Variants in TLCD5 observed in about 807,000 individuals in gnomAD.
The protein encoded by TLCD5 is TLC domain-containing protein 5.
In TLCD5, 15 loss-of-function variants were observed where a neutral mutation model predicts 20.5. That is an observed-to-expected ratio of 0.73 (90% CI 0.49 to 1.13). The LOEUF is 1.13. Ranked by LOEUF, TLCD5 falls within the 50% of genes most tolerant of loss-of-function variation. The pLI, the probability that TLCD5 is intolerant of heterozygous loss-of-function variation, is 0.00. For synonymous variants in TLCD5, 107 were observed against 114.7 expected, an observed-to-expected ratio of 0.93 and a Z score of 0.43; for missense variants, 289 against 305.6, an observed-to-expected ratio of 0.95 and a Z score of 0.41.
chr11:120,329,843 TA>T, intron 2 of TLCD5, 133 bp from the exon 3 acceptor site: 1 of 871,006 alleles, frequency 1.1e-6, no homozygotes, highest in Non-Finnish European at 1.8e-6. Flanking sequence ...TGGTCCTCAT[TA>T]AAAAGCATGT....
intron 1 of TLCD5, among the ~76,000 whole-genome samples, chr11:120,325,956 T>C (rs1941988958): frequency 6.6e-6 from 1 of 152,216 alleles, no homozygotes; most frequent in African/African-American, 2.4e-5. Context: ...AATAGGCATA[T>C]CCAAATGAGC....
At chr11:120,325,748 C>G (rs1941984014) in intron 1 of TLCD5, among the ~76,000 whole-genome samples, 1 of 152,232 alleles carries the variant, frequency 6.6e-6, no homozygotes, top group Admixed American at 6.5e-5. Context: ...GCCGCGATGG[C>G]CTTCCAAATG....
rs779332684 is a variant in TLCD5, at chr11:120,330,273, G to A, written c.496G>A (p.Ala166Thr). ...AGATGTAGTGGACTTCCTCTTTGTG[G>A]CTCTGTTCACAGGAGTGAGGATTGG... Reference protein sequence around the residue: ...TGDVVDFLFVALFTGVRIGVG... With the variant: ...TGDVVDFLFVTLFTGVRIGVG... Residue 166 changes from alanine to threonine, a missense_variant, in exon 3 of 3, where the codon GCT (alanine) becomes ACT (threonine). Transcript: ENST00000375095. 1 of 1,556,074 alleles carries A rather than the reference G, an allele frequency of 6.4e-7. No homozygotes were observed. Among genetic ancestry groups the A allele is most frequent in the Non-Finnish European group, 8.7e-7 (1 of 1,150,440 alleles).
chr11:120,329,026 T>TG (rs1942087079), intron 2 of TLCD5, among the ~76,000 whole-genome samples: 6 of 150,580 alleles, frequency 4.0e-5, no homozygotes, highest in African/African-American at 1.5e-4. Flanking sequence ...TGTGTATGTG[T>TG]TTGTATATGT....
chr11:120,326,812 C>G (rs944255958), intron 1 of TLCD5, among the ~76,000 whole-genome samples: 1 of 152,188 alleles, frequency 6.6e-6, no homozygotes, highest in African/African-American at 2.4e-5. Context: ...ATCTTTGGGT[C>G]GGATTTCAGA....
intron 1 of TLCD5, 90 bp from the exon 2 acceptor site, chr11:120,327,351 A>G (rs1250984261): frequency 5.0e-6 from 8 of 1,601,522 alleles, no homozygotes; most frequent in Non-Finnish European, 6.8e-6. Flanking sequence ...CTATTCTATA[A>G]TAGAAATGAG....
rs1942190774 is a variant in TLCD5 at position 120,333,065 on chromosome 11, T to C, written c.*2550T>C. On this transcript the variant is annotated 3_prime_UTR_variant, in exon 3 of 3. Transcript: ENST00000375095. This position sits in a 1 kb window ranked among gnomAD's most constrained non-coding sequence, Gnocchi z 4.5. ...TTAATCTCCACTTTTTTTTTTTCTA[T>C]GATGAGCGCCCCTAAAATGCTGGTA... is the stretch of plus-strand genomic sequence containing the variant. 6.6e-6 allele frequency: 1 copy of C among 151,986 alleles called. No individual in the cohort carries two copies. Among genetic ancestry groups the C allele is most frequent in the Non-Finnish European group, 1.5e-5 (1 of 67,992 alleles). 9.4% of individuals were successfully genotyped at this position (151,986 alleles called of 1,614,324 possible). A position where few individuals can be genotyped will look rare whatever the true frequency, so the allele number is the denominator to read the frequency against.
At chr11:120,328,842 AGTGTGTGT>A (rs67336059) in intron 2 of TLCD5, among the ~76,000 whole-genome samples, 1 of 36,828 alleles carries the variant, frequency 2.7e-5, no homozygotes, top group African/African-American at 1.2e-4. Context: ...TAACAGTCAT[AGTGTGTGT>A]GTGTGTGTGT....
chr11:120,332,960 A>G lies in TLCD5; in HGVS notation c.*2445A>G, dbSNP rs1207497877. ...AAATGCATGTTAACAGTGGGTCTTTAAAAATGAATGTCATTTGGTTAAAGA... is the reference window on the plus strand; with the variant it reads ...AAATGCATGTTAACAGTGGGTCTTTGAAAATGAATGTCATTTGGTTAAAGA... On this transcript the variant is annotated 3_prime_UTR_variant, in exon 3 of 3. Coordinates refer to ENST00000375095, the MANE Select transcript of TLCD5 (RefSeq NM_001198671.2). The surrounding 1 kb of genome is among the most constrained non-coding windows in gnomAD (Gnocchi z 4.2). 1 of 152,228 alleles carries G rather than the reference A, an allele frequency of 6.6e-6. No homozygotes were observed. The highest frequency in any genetic ancestry group is 6.5e-5 in the Admixed American group (1 of 15,280). 9.4% of individuals were successfully genotyped at this position (152,228 alleles called of 1,614,324 possible). A position where few individuals can be genotyped will look rare whatever the true frequency, so the allele number is the denominator to read the frequency against.
Position 120,327,628 on chromosome 11 carries a change from T to C in TLCD5, c.187T>C (p.Phe63Leu), listed in dbSNP as rs1468167036. 4 of 1,613,238 alleles carry C rather than the reference T, an allele frequency of 2.5e-6. No homozygotes were observed. The South Asian group carries it at 4.4e-5, about 18-fold the overall frequency. ...YIGFIDGPWPFTHPGSPNTPL... is the reference protein window; with the variant it reads ...YIGFIDGPWPLTHPGSPNTPL... Reference sequence around the variant, plus strand: ...TGGCTTCATTGATGGCCCATGGCCTTTTACCCACCCAGGTAGGTAGGGGAT... The same window carrying C: ...TGGCTTCATTGATGGCCCATGGCCTCTTACCCACCCAGGTAGGTAGGGGAT... Residue 63 changes from phenylalanine (F) to leucine (L), a missense_variant, in exon 2 of 3, where the codon TTT (phenylalanine) becomes CTT (leucine). Physicochemically the swap from Phe to Leu is conservative, Grantham distance 22 (BLOSUM62 0). Transcript: ENST00000375095.
intron 1 of TLCD5, among the ~76,000 whole-genome samples, chr11:120,326,562 C>CT (rs1254919277): frequency 1.3e-5 from 2 of 152,200 alleles, no homozygotes; most frequent in Non-Finnish European, 2.9e-5. Context: ...AATGGAGGAG[C>CT]TAATGAATAC....
rs1174472052 is a variant in TLCD5 at position 120,330,010 on chromosome 11, T to C, written c.233T>C (p.Leu78Pro). ...AATACACCTCTCCAAGTTCATGTCC[T>C]GTGTCTCACCTTGGGCTACTTCATC... ...SPNTPLQVHV[L>P]CLTLGYFIFD... Residue 78 changes from leucine to proline, a missense_variant, in exon 3 of 3, where the codon CTG becomes CCG. Coordinates refer to ENST00000375095, the MANE Select transcript of TLCD5 (RefSeq NM_001198671.2). 6.2e-7 allele frequency: 1 copy of C among 1,614,144 alleles called. No homozygotes were observed. The highest frequency in any genetic ancestry group is 8.5e-7 in the Non-Finnish European group (1 of 1,179,998).
At chr11:120,326,308 CTATTA>C (rs1220166389) in intron 1 of TLCD5, among the ~76,000 whole-genome samples, 3 of 151,976 alleles carry the variant, frequency 2.0e-5, no homozygotes, top group African/African-American at 4.8e-5. Context: ...GAACCCAGGT[CTATTA>C]TGGACACCTA....
intron 2 of TLCD5, among the ~76,000 whole-genome samples, 182 bp downstream of exon 2, chr11:120,327,822 C>T (rs1273400276): frequency 1.3e-5 from 2 of 152,130 alleles, no homozygotes; most frequent in South Asian, 4.1e-4. Flanking sequence ...TTCTGCTTTT[C>T]ATAACTCTCT....
Position 120,330,372 on chromosome 11 carries a change from G to C in TLCD5, c.595G>C (p.Ala199Pro), listed in dbSNP as rs1293573532. 12 of 1,613,808 alleles carry C rather than the reference G, an allele frequency of 7.4e-6. No homozygotes were observed. The highest frequency in any genetic ancestry group is 1.3e-5 in the African/African-American group (1 of 74,920). The change falls in exon 3 of 3, where the codon GCG becomes CCG. Residue 199 changes from alanine (A) to proline (P), a missense_variant. By Grantham distance (27) the Ala-to-Pro change is conservative. Transcript: ENST00000375095. ...GTGGTTTGTGAAGGCTGGGGGAGTA[G>C]CGATGTATGCTGTGTCTTGGTGTTT... The part of the protein sequence containing the change: ...PKWFVKAGGV[A>P]MYAVSWCFMF...
At position 120,330,635 on chromosome 11, in the gene TLCD5, T is replaced by G; in HGVS notation, c.*120T>G. 1 of 1,184,848 alleles carries G rather than the reference T, an allele frequency of 8.4e-7. No individual in the cohort carries two copies. Among genetic ancestry groups the G allele is most frequent in the Non-Finnish European group, 1.2e-6 (1 of 868,230 alleles). The allele number at this position is 1,184,848 out of a possible 1,614,324, so 73.4% of individuals were successfully genotyped here. On this transcript the variant is annotated 3_prime_UTR_variant, in exon 3 of 3. Transcript: ENST00000375095. ...AGGTTTCAATAAAGGGCTAAATGTA[T>G]TGATCAATTTGGTCAGTCTTCAAGC...
rs1467901260 is a variant in TLCD5, at chr11:120,330,253, T to C, written c.476T>C (p.Val159Ala). 5 of 1,553,040 alleles carry C rather than the reference T, an allele frequency of 3.2e-6. No individual in the cohort carries two copies. The African/African-American group carries it at 4.1e-5, about 13-fold the overall frequency. The stretch of plus-strand genomic sequence containing the variant: ...CACTATCACAGTTTCACTGGAGATG[T>C]AGTGGACTTCCTCTTTGTGGCTCTG... ...TGHYHSFTGD[V>A]VDFLFVALFT... The change falls in exon 3 of 3, where the codon GTA (valine) becomes GCA (alanine). Residue 159 changes from valine to alanine, a missense_variant. Transcript: ENST00000375095.
At chr11:120,326,104 C>T (rs1404715997) in intron 1 of TLCD5, among the ~76,000 whole-genome samples, 1 of 152,196 alleles carries the variant, frequency 6.6e-6, no homozygotes, top group Non-Finnish European at 1.5e-5. Context: ...TATCTCAGAA[C>T]TCCATGTCAG....
intron 2 of TLCD5, among the ~76,000 whole-genome samples, chr11:120,328,942 G>GTA (rs1942080732): frequency 1.4e-5 from 1 of 73,976 alleles, no homozygotes; most frequent in Non-Finnish European, 2.8e-5. Flanking sequence ...GTGTGTGTGT[G>GTA]TGTTTGTGTA....
Sources: allele counts gnomAD v4.1 joint callset (sites outside exome capture counted in the v4.1 genomes callset), GRCh38; gene constraint gnomAD v4.1.1; non-coding constraint Gnocchi (gnomAD v3.1); transcripts MANE v1.5; gene names NCBI Gene and HGNC (gene_info 2026-07-23, HGNC 2026-07-21).